The following PCNX2 variants were observed in gnomAD, a reference collection of about 807,000 sequenced individuals.
PCNX2 encodes the protein pecanex-like protein 2.
Under a neutral mutation model 223.8 loss-of-function variants are expected in PCNX2, and 168 were observed. The observed-to-expected ratio is 0.75, with a 90% CI of 0.66 to 0.85. The LOEUF (loss-of-function observed/expected upper bound fraction) is 0.85, where lower values mean the gene tolerates loss of function less well. Ranked by LOEUF, PCNX2 falls within the 40% of genes least tolerant of loss-of-function variation. The pLI is 0.00. For missense variants in PCNX2, 2,507 were observed against 2,675.5 expected (o/e 0.94, Z 1.39); for synonymous variants, 1,006 against 1,052.6 (o/e 0.96, Z 0.86).
At chr1:233,066,448 T>G (rs1672614377) in intron 23 of PCNX2, among the ~76,000 whole-genome samples, 1 of 152,216 alleles carries the variant, frequency 6.6e-6, no homozygotes, top group Non-Finnish European at 1.5e-5. Context: ...TGCCACCATA[T>G]TCCCCTCATC....
chr1:233,166,585 A>G (rs1224693900), intron 17 of PCNX2, among the ~76,000 whole-genome samples: 1 of 152,180 alleles, frequency 6.6e-6, no homozygotes. Flanking sequence ...CAGACGCTTC[A>G]CTGAAGGAGA....
chr1:233,174,630 A>C (rs1223940388), intron 17 of PCNX2, among the ~76,000 whole-genome samples: 2 of 152,100 alleles, frequency 1.3e-5, no homozygotes, highest in Non-Finnish European at 2.9e-5. Flanking sequence ...AATTTTACAC[A>C]TAAGAATTAA....
rs774297661 is a variant in PCNX2 at position 233,200,084 on chromosome 1, C to T, written c.2974+70G>A. On this transcript the variant is annotated intron_variant, in intron 14 of 33. Transcript: ENST00000258229. ...AACCTAACTAGCCTCTCATCTCCTG[C>T]CTAAGGCTATTTAGTCCTTATCTGA... is the stretch of plus-strand genomic sequence containing the variant. 3.9e-4 allele frequency: 484 copies of T among 1,237,398 alleles called. 1 individual carries two copies. Among genetic ancestry groups the T allele is most frequent in the Non-Finnish European group, 4.0e-4 (360 of 891,984 alleles). 76.7% of individuals were successfully genotyped at this position (1,237,398 alleles called of 1,614,324 possible). A position where few individuals can be genotyped will look rare whatever the true frequency, so the allele number is the denominator to read the frequency against.
intron 10 of PCNX2, among the ~76,000 whole-genome samples, chr1:233,220,920 G>T (rs1349661019): frequency 6.6e-6 from 1 of 152,190 alleles, no homozygotes; most frequent in African/African-American, 2.4e-5. Context: ...TGATAGATAC[G>T]TATACAGATT....
chr1:233,100,055 TA>T (rs1402093930), intron 21 of PCNX2, among the ~76,000 whole-genome samples: 1 of 152,144 alleles, frequency 6.6e-6, no homozygotes, highest in East Asian at 1.9e-4. Flanking sequence ...GTTACTGGAA[TA>T]TAAGAGAAAA....
rs1241360792 is a variant in PCNX2, at chr1:233,139,418, GCTTCCGT to G, written c.3659+289_3659+295del. Among the ~76,000 whole-genome samples the G allele has an allele frequency of 6.6e-6, 1 of 152,186 alleles. No homozygotes were observed. Among genetic ancestry groups the G allele is most frequent in the Non-Finnish European group, 1.5e-5 (1 of 68,040 alleles). On this transcript the variant is annotated intron_variant, in intron 20 of 33. Transcript: ENST00000258229. This position sits in a 1 kb window ranked among gnomAD's most constrained non-coding sequence, Gnocchi z 4.4. ...TCCAGGAATCCTGGACTCACACTGT[GCTTCCGT>G]CTTCTTATTAAGGCTCACTGACTAA...
At chr1:233,238,029 G>A (rs1484142467) in intron 8 of PCNX2, among the ~76,000 whole-genome samples, 5 of 152,202 alleles carry the variant, frequency 3.3e-5, no homozygotes, top group South Asian at 2.1e-4. Context: ...TACTGCTATC[G>A]TGATGGACAA....
intron 25 of PCNX2, among the ~76,000 whole-genome samples, chr1:233,037,767 T>C (rs974377540): frequency 6.6e-6 from 1 of 152,186 alleles, no homozygotes; most frequent in Non-Finnish European, 1.5e-5. Flanking sequence ...ATTGCAACAG[T>C]TTTACATCCC....
At chr1:233,123,903 A>T (rs1168717475) in intron 21 of PCNX2, among the ~76,000 whole-genome samples, 1 of 152,234 alleles carries the variant, frequency 6.6e-6, no homozygotes, top group Non-Finnish European at 1.5e-5. Flanking sequence ...CCACTCAAAG[A>T]GAAGTCCTTG....
chr1:233,083,482 C>T (rs1202811699), intron 23 of PCNX2, among the ~76,000 whole-genome samples: 2 of 152,270 alleles, frequency 1.3e-5, no homozygotes, highest in African/African-American at 4.8e-5. Flanking sequence ...ATCCGCTCCA[C>T]CAGCAGCGAG....
chr1:233,112,276 G>A (rs1675159263), intron 21 of PCNX2, among the ~76,000 whole-genome samples: 1 of 152,220 alleles, frequency 6.6e-6, no homozygotes, highest in Non-Finnish European at 1.5e-5. Flanking sequence ...AGCCAGCACA[G>A]GAAGGCACAT....
rs552199658 is a variant in PCNX2 at position 233,253,249 on chromosome 1, A to G, written c.1835-461T>C. Among the ~76,000 whole-genome samples, 3 of 152,198 alleles carry G rather than the reference A, an allele frequency of 2.0e-5. No individual in the cohort carries two copies. Among genetic ancestry groups the G allele is most frequent in the Non-Finnish European group, 4.4e-5 (3 of 68,036 alleles). On this transcript the variant is annotated intron_variant, in intron 5 of 33. Transcript: ENST00000258229. This position sits in a 1 kb window ranked among gnomAD's most constrained non-coding sequence, Gnocchi z 4.2. Reference sequence around the variant, plus strand: ...TCAGTCTTTCTTCTCACTCTCCAAAACTGAATTTTCAAGCTAAAGCTAGAA... The same window carrying G: ...TCAGTCTTTCTTCTCACTCTCCAAAGCTGAATTTTCAAGCTAAAGCTAGAA...
chr1:233,149,284 G>A (rs1558283240), intron 19 of PCNX2, among the ~76,000 whole-genome samples: 4 of 152,294 alleles, frequency 2.6e-5, no homozygotes, highest in African/African-American at 9.6e-5. Context: ...GTTGTGTTTT[G>A]TTTAGACTCT....
chr1:233,238,462 A>G (rs896482575), intron 8 of PCNX2, among the ~76,000 whole-genome samples: 5 of 152,150 alleles, frequency 3.3e-5, no homozygotes, highest in African/African-American at 9.7e-5. Context: ...AGGGGGAGGC[A>G]GGAGGACTGC....
chr1:233,064,595 T>C (rs78747086), intron 23 of PCNX2, among the ~76,000 whole-genome samples: 1,707 of 152,290 alleles, frequency 0.011, 30 homozygotes, highest in African/African-American at 0.039. Context: ...CCTATGTTAC[T>C]GAGACTCACA....
intron 25 of PCNX2, among the ~76,000 whole-genome samples, chr1:233,035,151 GA>G (rs1671409471): frequency 6.6e-6 from 1 of 152,182 alleles, no homozygotes; most frequent in African/African-American, 2.4e-5. Context: ...AAGCTGCTCT[GA>G]AAGAAAAGGT....
At chr1:233,263,382 C>A (rs1660161922) in intron 1 of PCNX2, among the ~76,000 whole-genome samples, 1 of 151,342 alleles carries the variant, frequency 6.6e-6, no homozygotes, top group South Asian at 2.1e-4. Context: ...AGTAGTTGCA[C>A]TGATAACCAA....
At position 233,104,296 on chromosome 1, in the gene PCNX2, T is replaced by C. The variant is rs148391397; in HGVS notation, c.3838-8433A>G. Among the ~76,000 whole-genome samples the C allele has an allele frequency of 4.0e-3, 612 of 152,190 alleles. 9 individuals carry two copies. Among genetic ancestry groups the C allele is most frequent in the Non-Finnish European group, 2.6e-3 (177 of 67,966 alleles). Reference sequence around the variant, plus strand: ...AAAATCTTGTTAGATTTAGAAGAAATATTAAAGTCACCTAAAAATTTTAGG... The same window carrying C: ...AAAATCTTGTTAGATTTAGAAGAAACATTAAAGTCACCTAAAAATTTTAGG... On this transcript the variant is annotated intron_variant, in intron 21 of 33. Coordinates refer to ENST00000258229, the MANE Select transcript of PCNX2 (RefSeq NM_014801.4).
At position 233,263,177 on chromosome 1, in the gene PCNX2, A is replaced by G; in HGVS notation, c.154-14T>C. 1 of 1,556,200 alleles carries G rather than the reference A, an allele frequency of 6.4e-7. No individual in the cohort carries two copies. Among genetic ancestry groups the G allele is most frequent in the Non-Finnish European group, 8.7e-7 (1 of 1,147,668 alleles). On this transcript the variant is annotated splice_polypyrimidine_tract_variant and intron_variant, in intron 1 of 33. Coordinates refer to ENST00000258229, the MANE Select transcript of PCNX2 (RefSeq NM_014801.4). ...TGGAGGAAAAGCCTGAAGAAAGGAA[A>G]AGACAGAGAAAAATCATTTGCTTTT...
Sources: gnomAD v4.1 joint callset for allele counts (sites outside exome capture counted in the v4.1 genomes callset) on GRCh38, gnomAD v4.1.1 for gene constraint, Gnocchi (gnomAD v3.1) non-coding constraint, MANE v1.5 for transcripts, NCBI Gene and HGNC (gene_info 2026-07-23, HGNC 2026-07-21) for gene names.